Variants in SNTG1 observed in about 807,000 individuals in gnomAD.
SNTG1 encodes the protein gamma-1-syntrophin.
SNTG1 carries 39 observed loss-of-function variants against 74.7 expected under a neutral mutation model. The observed-to-expected ratio is 0.52, with a 90% CI of 0.40 to 0.68. The LOEUF (loss-of-function observed/expected upper bound fraction) is 0.68, where lower values mean the gene tolerates loss of function less well. Ranked by LOEUF, SNTG1 falls within the 30% of genes least tolerant of loss-of-function variation. The probability of loss-of-function intolerance (pLI) is 0.00; values close to 1 mark genes in which losing one functional copy is unlikely to be tolerated. For missense variants in SNTG1, 685 were observed against 609.5 expected, an observed-to-expected ratio of 1.12 and a Z score of -1.30; for synonymous variants, 254 against 217.1, an observed-to-expected ratio of 1.17 and a Z score of -1.49.
At chr8:50,258,965 C>T (rs12675740) in intron 2 of SNTG1, among the ~76,000 whole-genome samples, 135,523 of 152,108 alleles carry the variant, frequency 0.89, 61,928 homozygotes, top group East Asian at 1. Flanking sequence ...AAGGTCTAAA[C>T]AGGAAAAATG....
intron 2 of SNTG1, among the ~76,000 whole-genome samples, chr8:50,376,793 T>C (rs1203114372): frequency 2.3e-5 from 3 of 131,094 alleles, no homozygotes; most frequent in East Asian, 2.1e-4. Context: ...AGAATAGTGC[T>C]TCCCCAAGGG....
chr8:50,436,610 G>C (rs532628083), intron 4 of SNTG1, among the ~76,000 whole-genome samples: 2 of 152,048 alleles, frequency 1.3e-5, no homozygotes, highest in Non-Finnish European at 2.9e-5. Flanking sequence ...TTGCTGAATG[G>C]ATGAAGTTGT....
intron 2 of SNTG1, among the ~76,000 whole-genome samples, chr8:50,276,049 T>C (rs2088081113): frequency 6.6e-6 from 1 of 152,204 alleles, no homozygotes; most frequent in Non-Finnish European, 1.5e-5. Flanking sequence ...TCTGCTAAAT[T>C]TTGAATCTCT....
chr8:50,345,897 T>G (rs1386142888), intron 2 of SNTG1, among the ~76,000 whole-genome samples: 2 of 152,258 alleles, frequency 1.3e-5, no homozygotes, highest in Non-Finnish European at 2.9e-5. Flanking sequence ...GCAGTTAATT[T>G]TAACCATCCT....
At chr8:50,206,534 T>A (rs949512095) in intron 2 of SNTG1, among the ~76,000 whole-genome samples, 1 of 152,190 alleles carries the variant, frequency 6.6e-6, no homozygotes, top group African/African-American at 2.4e-5. Context: ...TGACTTCCTC[T>A]TTTCCTAACT....
At chr8:50,506,556 A>C (rs2094008250) in intron 9 of SNTG1, among the ~76,000 whole-genome samples, 2 of 151,882 alleles carry the variant, frequency 1.3e-5, no homozygotes, top group South Asian at 4.1e-4. Context: ...AAGTCTTTAA[A>C]ATTTTGGGTG....
chr8:50,742,699 T>A (rs1007316721), intron 17 of SNTG1, among the ~76,000 whole-genome samples: 1 of 149,842 alleles, frequency 6.7e-6, no homozygotes, highest in African/African-American at 2.5e-5. Context: ...TTGAAAAAAA[T>A]AAAATAGATA....
intron 2 of SNTG1, among the ~76,000 whole-genome samples, chr8:50,319,501 C>T (rs1319374176): frequency 6.6e-6 from 1 of 152,148 alleles, no homozygotes; most frequent in Admixed American, 6.5e-5. Context: ...TATAAGATTA[C>T]ATCCTCTGCA....
chr8:50,295,712 T>A lies in SNTG1; in HGVS notation c.-27-98500T>A, dbSNP rs532648189. Among the ~76,000 whole-genome samples, 3 of 152,314 alleles carry A rather than the reference T, an allele frequency of 2.0e-5. No homozygotes were observed. The South Asian group carries it at 6.2e-4, about 32-fold the overall frequency. ...TTTAGTTGTTCTTTAACTGCCAGAG[T>A]CAGCATTTGCTTGGCTATTCAAATG... On this transcript the variant is annotated intron_variant, in intron 2 of 18. Transcript: ENST00000642720.
At chr8:49,919,943 C>T (rs1212284305) in intron 1 of SNTG1, among the ~76,000 whole-genome samples, 1 of 152,040 alleles carries the variant, frequency 6.6e-6, no homozygotes, top group Non-Finnish European at 1.5e-5. Flanking sequence ...AAGAGTAATA[C>T]AATAGCGCAC....
At chr8:50,747,936 G>C (rs2095558837) in intron 17 of SNTG1, 2 of 151,738 alleles carry the variant, frequency 1.3e-5, no homozygotes. Context: ...GTTTCATCAT[G>C]TTGCCCAAGC....
chr8:50,589,090 C>A (rs2094673841), intron 12 of SNTG1, among the ~76,000 whole-genome samples: 1 of 151,710 alleles, frequency 6.6e-6, no homozygotes, highest in Admixed American at 6.6e-5. Flanking sequence ...TAAATTGCTC[C>A]CACTTTCTTG....
At chr8:50,054,017 G>A (rs921556314) in intron 1 of SNTG1, among the ~76,000 whole-genome samples, 3 of 151,958 alleles carry the variant, frequency 2.0e-5, no homozygotes, top group Non-Finnish European at 4.4e-5. Context: ...TCATATTCCT[G>A]CCTGTAAGAA....
chr8:50,017,144 A>G (rs892696120), intron 1 of SNTG1, among the ~76,000 whole-genome samples: 2 of 152,062 alleles, frequency 1.3e-5, no homozygotes, highest in Admixed American at 6.6e-5. Flanking sequence ...AATAAAGAAC[A>G]CCAGGAAATG....
chr8:50,567,387 T>G (rs529663568), intron 12 of SNTG1, among the ~76,000 whole-genome samples: 5 of 152,160 alleles, frequency 3.3e-5, no homozygotes, highest in African/African-American at 4.8e-5. Context: ...TGTAAAGGAA[T>G]CTCCTCTTTG....
chr8:50,068,417 A>C (rs531138992), intron 1 of SNTG1, among the ~76,000 whole-genome samples: 2 of 152,066 alleles, frequency 1.3e-5, no homozygotes, highest in Non-Finnish European at 2.9e-5. Context: ...ATCATTTCCA[A>C]GGTGTTTGAC....
intron 13 of SNTG1, among the ~76,000 whole-genome samples, chr8:50,625,150 A>T (rs2094948486): frequency 6.6e-6 from 1 of 152,160 alleles, no homozygotes; most frequent in Non-Finnish European, 1.5e-5. Flanking sequence ...TGTATACACT[A>T]AGTTCAATGA....
chr8:50,109,440 T>A (rs2080499358), intron 1 of SNTG1, among the ~76,000 whole-genome samples: 1 of 151,824 alleles, frequency 6.6e-6, no homozygotes, highest in Non-Finnish European at 1.5e-5. Context: ...CAATGGAGAG[T>A]ATAAAACATG....
intron 15 of SNTG1, among the ~76,000 whole-genome samples, chr8:50,699,196 G>A (rs1023021902): frequency 7.3e-6 from 1 of 137,752 alleles, no homozygotes; most frequent in Non-Finnish European, 1.6e-5. Context: ...CAGGGAAAAA[G>A]CAAGCAGGAA....
Sources: allele counts gnomAD v4.1 joint callset (sites outside exome capture counted in the v4.1 genomes callset), GRCh38; gene constraint gnomAD v4.1.1; transcripts MANE v1.5; gene names NCBI Gene and HGNC (gene_info 2026-07-23, HGNC 2026-07-21).